The following DHRSX variants were observed in gnomAD, a reference collection of about 807,000 sequenced individuals.
DHRSX encodes the protein dehydrogenase/reductase X-linked.
In DHRSX, 31 loss-of-function variants were observed where a neutral mutation model predicts 34.0. That is an observed-to-expected ratio of 0.91 (90% CI 0.69 to 1.23). DHRSX has a LOEUF of 1.23. DHRSX is among the 50% of genes most tolerant of loss of function. The probability of loss-of-function intolerance (pLI) is 0.00; values close to 1 mark genes in which losing one functional copy is unlikely to be tolerated. For missense variants in DHRSX, 414 were observed against 428.1 expected (o/e 0.97, Z 0.29); for synonymous variants, 201 against 183.8 (o/e 1.09, Z -0.76).
intron 1 of DHRSX, chrX:2,490,181 A>G: frequency 6.2e-7 from 1 of 1,613,908 alleles, no homozygotes; most frequent in Non-Finnish European, 8.5e-7. Context: ...CACCTCCCGG[A>G]CGGCCCCGTA....
intron 1 of DHRSX, among the ~76,000 whole-genome samples, chrX:2,443,948 G>A (rs2044095322): frequency 6.6e-6 from 1 of 150,786 alleles, no homozygotes; most frequent in Non-Finnish European, 1.5e-5. Context: ...GGAGCTTGCA[G>A]TGAGCTGAGA....
At chrX:2,486,053 G>C (rs752297410) in intron 1 of DHRSX, among the ~76,000 whole-genome samples, 69 of 152,002 alleles carry the variant, frequency 4.5e-4, no homozygotes, top group South Asian at 1.5e-3. Context: ...GAGGCTGGGG[G>C]GAGAGGGAAG....
At chrX:2,485,705 G>C (rs1207179311) in intron 1 of DHRSX, among the ~76,000 whole-genome samples, 2 of 94,656 alleles carry the variant, frequency 2.1e-5, no homozygotes, top group Admixed American at 1.1e-4. Context: ...AGGGAGGGGA[G>C]GGAGGGAACG....
rs181183060 is a variant in DHRSX, at chrX:2,333,597, T to C, written c.287-41994A>G. On this transcript the variant is annotated intron_variant, in intron 3 of 6. Transcript: ENST00000334651. ...GCCTGGCTAATTTTTGTATTTTTAG[T>C]AGAGACAGGGTTTCACCATCTTGGC... Among the ~76,000 whole-genome samples, 849 of 152,198 alleles carry C rather than the reference T, an allele frequency of 5.6e-3. 18 individuals are homozygous for C. The highest frequency in any genetic ancestry group is 1.6e-3 in the Non-Finnish European group (106 of 67,998).
At chrX:2,296,536 A>T (rs1468506023) in intron 3 of DHRSX, among the ~76,000 whole-genome samples, 4 of 135,894 alleles carry the variant, frequency 2.9e-5, no homozygotes, top group African/African-American at 9.7e-5. Context: ...AATAGGACCC[A>T]GGCAGATAGA....
At chrX:2,223,515 C>T (rs763911073) in intron 6 of DHRSX, among the ~76,000 whole-genome samples, 1 of 152,122 alleles carries the variant, frequency 6.6e-6, no homozygotes. Context: ...CATGGCTTGG[C>T]TCTTGCAGGG....
intron 1 of DHRSX, among the ~76,000 whole-genome samples, chrX:2,476,848 C>A (rs2044687977): frequency 6.6e-6 from 1 of 151,920 alleles, no homozygotes; most frequent in Admixed American, 6.6e-5. Context: ...ACTAAAAATA[C>A]AAAATTAGCC....
At chrX:2,489,489 G>A (rs748771154) in intron 1 of DHRSX, 1 of 1,613,554 alleles carries the variant, frequency 6.2e-7, no homozygotes, top group African/African-American at 1.3e-5. Flanking sequence ...GAGGCCGACA[G>A]CATCTCGGCC....
chrX:2,404,111 T>C (rs1423315340), intron 3 of DHRSX, among the ~76,000 whole-genome samples: 3 of 152,160 alleles, frequency 2.0e-5, no homozygotes, highest in African/African-American at 7.2e-5. Flanking sequence ...TCCAGATTGA[T>C]GGTTGAATGC....
chrX:2,373,809 G>A (rs1488590464), intron 3 of DHRSX, among the ~76,000 whole-genome samples: 16 of 152,082 alleles, frequency 1.1e-4, no homozygotes, highest in Non-Finnish European at 1.3e-4. Context: ...GGCATCATCC[G>A]GCCAGGAAAT....
chrX:2,271,601 C>T (rs2041555666), intron 4 of DHRSX, among the ~76,000 whole-genome samples: 1 of 152,182 alleles, frequency 6.6e-6, no homozygotes, highest in Non-Finnish European at 1.5e-5. Context: ...TATAAACCAA[C>T]TGGGAGGGAT....
chrX:2,467,429 G>A (rs1297277215), intron 1 of DHRSX, among the ~76,000 whole-genome samples: 2 of 152,166 alleles, frequency 1.3e-5, no homozygotes, highest in Admixed American at 6.5e-5. Context: ...CAGGAACGCG[G>A]CACAGTCAGC....
At chrX:2,428,277 T>C (rs2043873893) in intron 1 of DHRSX, among the ~76,000 whole-genome samples, 2 of 152,106 alleles carry the variant, frequency 1.3e-5, no homozygotes, top group Non-Finnish European at 2.9e-5. Context: ...GTAATTTAAA[T>C]AGAAATAGGT....
chrX:2,303,387 T>A (rs537587408), intron 3 of DHRSX, among the ~76,000 whole-genome samples: 3 of 152,070 alleles, frequency 2.0e-5, no homozygotes, highest in Non-Finnish European at 2.9e-5. Context: ...CCCTTGGTGA[T>A]GTTCTTGTGA....
chrX:2,245,727 G>A (rs1336378503), intron 5 of DHRSX, among the ~76,000 whole-genome samples: 5 of 148,222 alleles, frequency 3.4e-5, no homozygotes, highest in African/African-American at 1.2e-4. Context: ...GGAGGCCAAG[G>A]CGGGCGGATC....
chrX:2,331,743 C>G (rs959515387), intron 3 of DHRSX, among the ~76,000 whole-genome samples: 1 of 152,064 alleles, frequency 6.6e-6, no homozygotes, highest in Non-Finnish European at 1.5e-5. Flanking sequence ...AGCCACCACG[C>G]CCGGCCCTGA....
intron 5 of DHRSX, among the ~76,000 whole-genome samples, chrX:2,253,029 T>C (rs2016468167): frequency 6.6e-6 from 1 of 152,110 alleles, no homozygotes; most frequent in Admixed American, 6.6e-5. Flanking sequence ...CTACAAAAAA[T>C]ACAAAAAGTA....
intron 1 of DHRSX, among the ~76,000 whole-genome samples, chrX:2,479,962 G>T (rs918275707): frequency 6.6e-6 from 1 of 152,178 alleles, no homozygotes; most frequent in African/African-American, 2.4e-5. Flanking sequence ...AAACGGGCCT[G>T]CGAAACACCA....
At position 2,399,897 on chromosome X, in the gene DHRSX, T is replaced by C. The variant is rs543646841; in HGVS notation, c.286+8848A>G. 1.1e-3 allele frequency among the ~76,000 whole-genome samples: 165 copies of C among 151,632 alleles called. 1 individual carries two copies. The highest frequency in any genetic ancestry group is 3.8e-3 in the African/African-American group (157 of 41,342). On this transcript the variant is annotated intron_variant, in intron 3 of 6. Transcript: ENST00000334651. ...AAAATTTAAAAAACAAAATTAGCCA[T>C]GTGTAGTGGTGCATGCTACTAGTCC...
Sources: gnomAD v4.1 joint callset for allele counts (sites outside exome capture counted in the v4.1 genomes callset) on GRCh38, gnomAD v4.1.1 for gene constraint, MANE v1.5 for transcripts, NCBI Gene and HGNC (gene_info 2026-07-23, HGNC 2026-07-21) for gene names.